FAT4: variants seen among roughly 807,000 people sequenced by gnomAD.
The protein encoded by FAT4 is FAT atypical cadherin 4.
A neutral mutation model predicts 303.9 loss-of-function variants in FAT4; 84 were observed. The ratio of observed to expected loss-of-function variants is 0.28; its 90% CI spans 0.23 to 0.33. FAT4 has a LOEUF of 0.33. FAT4 is among the 10% of genes least tolerant of loss of function. FAT4 has a pLI of 1.00. For synonymous variants in FAT4, 2,307 were observed against 2,298.8 expected (o/e 1.00, Z -0.10); for missense variants, 6,005 against 6,146.8 (o/e 0.98, Z 0.77).
intron 14 of FAT4, among the ~76,000 whole-genome samples, chr4:125,477,671 A>C (rs1175673446): frequency 1.3e-5 from 2 of 152,008 alleles, no homozygotes; most frequent in Non-Finnish European, 2.9e-5. Context: ...AGAGATATGT[A>C]GATGTTAGCC....
At chr4:125,465,871 G>A (rs1300634723) in intron 11 of FAT4, among the ~76,000 whole-genome samples, 2 of 152,158 alleles carry the variant, frequency 1.3e-5, no homozygotes. Flanking sequence ...ACACTGCTAT[G>A]TAATTTGAAA....
chr4:125,402,325 G>A (rs899381806), intron 3 of FAT4, among the ~76,000 whole-genome samples: 1 of 151,832 alleles, frequency 6.6e-6, no homozygotes, highest in African/African-American at 2.4e-5. Flanking sequence ...TGAATTGAAT[G>A]TAGCTACTTC....
At position 125,425,002 on chromosome 4, in the gene FAT4, G is replaced by A. The variant is rs149389220; in HGVS notation, c.7018+8380G>A. ...AAGACTTAGTTTTTGGACATATTAC[G>A]TTTGAAATATTATAACTAATTGAGA... On this transcript the variant is annotated intron_variant, in intron 7 of 17. Transcript: ENST00000394329. Among the ~76,000 whole-genome samples, 425 of 152,188 alleles carry A rather than the reference G, an allele frequency of 2.8e-3. 1 individual carries two copies. The highest frequency in any genetic ancestry group is 0.01 in the Middle Eastern group (3 of 294).
rs1730914583 is a variant in FAT4, at chr4:125,320,957, A to G, written c.4546A>G (p.Thr1516Ala). The change falls in exon 2 of 18, where the codon ACC becomes GCC. Residue 1516 changes from threonine (T) to alanine (A), a missense_variant. Coordinates refer to ENST00000394329, the MANE Select transcript of FAT4 (RefSeq NM_001291303.3). ...ETRRYALKNV[T>A]ILVTDLNDNV... The stretch of plus-strand genomic sequence containing the variant: ...TAGACGGTATGCTTTGAAGAACGTG[A>G]CCATTTTGGTTACAGACCTCAATGA... 1.1e-5 allele frequency: 17 copies of G among 1,614,220 alleles called. No homozygotes were observed. The highest frequency in any genetic ancestry group is 1.4e-5 in the Non-Finnish European group (16 of 1,180,034).
At chr4:125,352,558 A>C (rs747311476) in intron 2 of FAT4, among the ~76,000 whole-genome samples, 12 of 151,760 alleles carry the variant, frequency 7.9e-5, no homozygotes, top group Non-Finnish European at 1.6e-4. Context: ...TTTTAAGTAA[A>C]AACTTCTTTT....
At chr4:125,477,025 T>G (rs914933996) in intron 13 of FAT4, 130 bp from the exon 14 acceptor site, 6 of 617,076 alleles carry the variant, frequency 9.7e-6, no homozygotes, top group Admixed American at 4.1e-5. Flanking sequence ...TTCTACATAT[T>G]TTCCATTGAA....
intron 16 of FAT4, among the ~76,000 whole-genome samples, chr4:125,485,119 G>A (rs1727362453): frequency 6.6e-6 from 1 of 152,128 alleles, no homozygotes. Flanking sequence ...GAGTCAGAGA[G>A]TCATTAAGCA....
chr4:125,409,942 A>T (rs560744707), intron 5 of FAT4, among the ~76,000 whole-genome samples: 1 of 152,300 alleles, frequency 6.6e-6, no homozygotes, highest in African/African-American at 2.4e-5. Flanking sequence ...AGGCATATCT[A>T]TCTCAATTTA....
At chr4:125,380,814 T>C (rs1486167062) in intron 2 of FAT4, among the ~76,000 whole-genome samples, 1 of 152,186 alleles carries the variant, frequency 6.6e-6, no homozygotes, top group African/African-American at 2.4e-5. Context: ...ATAAATACTC[T>C]TTGCTGACAC....
intron 6 of FAT4, 89 bp from the exon 7 acceptor site, chr4:125,416,359 T>A (rs1735063939): frequency 8.4e-7 from 1 of 1,184,986 alleles, no homozygotes; most frequent in Non-Finnish European, 1.2e-6. Context: ...CTTAACATAG[T>A]TTTACCTCAT....
chr4:125,435,081 A>G lies in FAT4; in HGVS notation c.7199+656A>G, dbSNP rs116119269. On this transcript the variant is annotated intron_variant, in intron 8 of 17. Coordinates refer to ENST00000394329, the MANE Select transcript of FAT4 (RefSeq NM_001291303.3). ...GGAGAAATGTCAAAGAATTTTGACC[A>G]TTTTTATTCCACTACTAGCTCTAAT... 2.3e-3 allele frequency among the ~76,000 whole-genome samples: 349 copies of G among 152,318 alleles called. 1 individual carries two copies. The highest frequency in any genetic ancestry group is 7.4e-3 in the African/African-American group (307 of 41,584).
intron 10 of FAT4, among the ~76,000 whole-genome samples, chr4:125,457,648 A>ATATTATAC (rs1389633326): frequency 7.2e-5 from 11 of 152,062 alleles, no homozygotes; most frequent in Admixed American, 6.5e-5. Flanking sequence ...TCACCATATG[A>ATATTATAC]AGCTTTGATT....
chr4:125,327,528 A>T (rs1028723156), intron 2 of FAT4, among the ~76,000 whole-genome samples: 9 of 152,278 alleles, frequency 5.9e-5, no homozygotes, highest in African/African-American at 2.2e-4. Flanking sequence ...AATGTATTGA[A>T]CAAAATGCTG....
chr4:125,377,323 T>C (rs771938870), intron 2 of FAT4, among the ~76,000 whole-genome samples: 4 of 151,292 alleles, frequency 2.6e-5, no homozygotes, highest in Non-Finnish European at 4.4e-5. Flanking sequence ...AAAATGAGCA[T>C]TCTTTATCAA....
At chr4:125,365,994 A>C (rs969186735) in intron 2 of FAT4, among the ~76,000 whole-genome samples, 2 of 151,970 alleles carry the variant, frequency 1.3e-5, no homozygotes, top group African/African-American at 4.8e-5. Flanking sequence ...CCTGCTTTGG[A>C]TTCTCGTGGG....
chr4:125,364,652 G>A (rs1033449789), intron 2 of FAT4, among the ~76,000 whole-genome samples: 10 of 151,884 alleles, frequency 6.6e-5, no homozygotes, highest in African/African-American at 1.2e-4. Flanking sequence ...AGAAAGAGTA[G>A]TATGCATAAA....
chr4:125,450,511 T>C lies in FAT4; in HGVS notation c.9501T>C (p.Ser3167=). ...GCCAGAAACACGAAATGACGATTAGTGCTATAGATGGAGGATGGGTTGCAA... is the reference window on the plus strand; with the variant it reads ...GCCAGAAACACGAAATGACGATTAGCGCTATAGATGGAGGATGGGTTGCAA... ...ELCQKHEMTI[S]AIDGGWVART... The change falls in exon 10 of 18, where the codon AGT becomes AGC. Residue 3167 remains serine, a synonymous_variant. Transcript: ENST00000394329. 2 of 1,614,122 alleles carry C rather than the reference T, an allele frequency of 1.2e-6. No individual in the cohort carries two copies. The highest frequency in any genetic ancestry group is 1.7e-6 in the Non-Finnish European group (2 of 1,180,006).
rs759879911 is a variant in FAT4, at chr4:125,490,440, G to GAAA, written c.13625_13626insAAA (p.Lys4544dup). On this transcript the variant is annotated inframe_insertion, in exon 18 of 18. Coordinates refer to ENST00000394329, the MANE Select transcript of FAT4 (RefSeq NM_001291303.3). Reference sequence around the variant, plus strand: ...GAAGAAGGCCAAAAATCCCAAAGAGGAGAAGAAACCGAAGGAGAAGAAGAA... The same window carrying GAAA: ...GAAGAAGGCCAAAAATCCCAAAGAGGAAAAGAAGAAACCGAAGGAGAAGAAGAA... 8.1e-6 allele frequency: 13 copies of GAAA among 1,614,140 alleles called. No individual in the cohort carries two copies. Among genetic ancestry groups the GAAA allele is most frequent in the Non-Finnish European group, 1.0e-5 (12 of 1,180,024 alleles).
At chr4:125,430,126 G>T (rs996512526) in intron 7 of FAT4, among the ~76,000 whole-genome samples, 2 of 149,098 alleles carry the variant, frequency 1.3e-5, no homozygotes, top group African/African-American at 5.0e-5. Flanking sequence ...AAACCTGCAC[G>T]TTGTGCACAT....
Sources: gnomAD v4.1 joint callset for allele counts (sites outside exome capture counted in the v4.1 genomes callset) on GRCh38, gnomAD v4.1.1 for gene constraint, MANE v1.5 for transcripts, NCBI Gene and HGNC (gene_info 2026-07-23, HGNC 2026-07-21) for gene names.